The following GSE1 variants were observed in gnomAD, a reference collection of about 807,000 sequenced individuals.
GSE1 encodes the protein Gse1 coiled-coil protein.
In GSE1, 32 loss-of-function variants were observed where a neutral mutation model predicts 112.6. That is an observed-to-expected ratio of 0.28 (90% CI 0.21 to 0.38). The LOEUF is 0.38. Among genes scored for constraint, GSE1 ranks in the 10% least tolerant of loss-of-function variants. The pLI is 1.00. For missense variants in GSE1, 2,348 were observed against 1,699.2 expected (o/e 1.38, Z -6.71); for synonymous variants, 1,115 against 735.6 (o/e 1.52, Z -8.35).
intron 1 of GSE1, among the ~76,000 whole-genome samples, chr16:85,172,089 T>C (rs1277630369): frequency 2.6e-5 from 4 of 152,172 alleles, no homozygotes; most frequent in Non-Finnish European, 5.9e-5. Flanking sequence ...GGCACGGGCC[T>C]GAACTTGGGT....
chr16:85,511,171 A>G (rs531066861), intron 2 of GSE1, among the ~76,000 whole-genome samples: 2 of 152,180 alleles, frequency 1.3e-5, no homozygotes, highest in East Asian at 3.9e-4. Context: ...TCTGAGCTGG[A>G]CTCAGAGAAG....
chr16:85,452,694 G>A (rs2049719726), intron 2 of GSE1, among the ~76,000 whole-genome samples: 1 of 152,254 alleles, frequency 6.6e-6, no homozygotes, highest in African/African-American at 2.4e-5. Flanking sequence ...TGAAATTCAG[G>A]GAAGGATTTG....
intron 1 of GSE1, chr16:85,285,363 G>A (rs1368164634): frequency 6.6e-6 from 1 of 152,164 alleles, no homozygotes; most frequent in Admixed American, 6.5e-5. Flanking sequence ...ACCAGCAGCA[G>A]GGTTACCTCC....
intron 2 of GSE1, among the ~76,000 whole-genome samples, chr16:85,446,800 T>G (rs2049527024): frequency 6.6e-6 from 1 of 152,094 alleles, no homozygotes; most frequent in Non-Finnish European, 1.5e-5. Context: ...GCAGGTTGGC[T>G]CATCTGTCTT....
chr16:85,375,069 A>G (rs1444722143), intron 2 of GSE1, among the ~76,000 whole-genome samples: 1 of 152,162 alleles, frequency 6.6e-6, no homozygotes, highest in African/African-American at 2.4e-5. Flanking sequence ...ATCTCTCTGC[A>G]CTGCTGCCGG....
At chr16:85,647,283 G>A (rs1682893015) in intron 2 of GSE1, among the ~76,000 whole-genome samples, 1 of 152,180 alleles carries the variant, frequency 6.6e-6, no homozygotes, top group African/African-American at 2.4e-5. Context: ...CCGCGGGGCT[G>A]CAGCCACCCA....
At chr16:85,606,104 C>G (rs1260028907) in intron 1 of GSE1, among the ~76,000 whole-genome samples, 1 of 152,204 alleles carries the variant, frequency 6.6e-6, no homozygotes, top group Non-Finnish European at 1.5e-5. Context: ...CCCTTGAAGT[C>G]TGCCGTGGCA....
chr16:85,308,455 C>T (rs557211595), intron 1 of GSE1, among the ~76,000 whole-genome samples: 125 of 152,226 alleles, frequency 8.2e-4, no homozygotes, highest in African/African-American at 1.4e-3. Context: ...AGCCATAAAG[C>T]GCAATACTGA....
chr16:85,551,046 CG>C (rs1320320991), upstream of GSE1, among the ~76,000 whole-genome samples: 1 of 152,058 alleles, frequency 6.6e-6, no homozygotes, highest in Non-Finnish European at 1.5e-5. Context: ...CAGGGAGGTG[CG>C]GGGTGAGTTT....
chr16:85,351,440 G>A (rs972506350), intron 1 of GSE1, among the ~76,000 whole-genome samples: 2 of 152,190 alleles, frequency 1.3e-5, no homozygotes, highest in Non-Finnish European at 2.9e-5. Context: ...GTCCAGAAAT[G>A]ACATTTGTAT....
At chr16:85,604,037 G>A (rs1019180761) in intron 1 of GSE1, among the ~76,000 whole-genome samples, 5 of 152,164 alleles carry the variant, frequency 3.3e-5, no homozygotes, top group Non-Finnish European at 5.9e-5. Flanking sequence ...CAGCTTCGGG[G>A]GAGGCCCCAG....
At chr16:85,425,112 G>C (rs1215876834) in intron 2 of GSE1, among the ~76,000 whole-genome samples, 1 of 152,248 alleles carries the variant, frequency 6.6e-6, no homozygotes, top group Non-Finnish European at 1.5e-5. Flanking sequence ...GGGCGCCCTG[G>C]GGCGGGGGGT....
chr16:85,526,175 G>C (rs1339745820), intron 2 of GSE1, among the ~76,000 whole-genome samples: 1 of 152,228 alleles, frequency 6.6e-6, no homozygotes, highest in African/African-American at 2.4e-5. Flanking sequence ...CCTGTGCTCA[G>C]CAGCAAAAGA....
At chr16:85,533,886 G>C (rs957632752) in intron 2 of GSE1, among the ~76,000 whole-genome samples, 1 of 151,876 alleles carries the variant, frequency 6.6e-6, no homozygotes, top group Non-Finnish European at 1.5e-5. Flanking sequence ...AAATAAACTC[G>C]GCATTATTGA....
chr16:85,542,755 C>A (rs1038447450), intron 2 of GSE1, among the ~76,000 whole-genome samples: 1 of 152,238 alleles, frequency 6.6e-6, no homozygotes, highest in African/African-American at 2.4e-5. Context: ...GGTGGCCCTG[C>A]TGGCCCCACC....
chr16:85,170,828 G>C, exon 1 of GSE1: 9 of 985,578 alleles, frequency 9.1e-6, no homozygotes, highest in Non-Finnish European at 1.1e-5. Flanking sequence ...CAGTGGCAGA[G>C]CTTCGAGCTG....
At chr16:85,211,456 C>T (rs1232552065) in intron 1 of GSE1, among the ~76,000 whole-genome samples, 1 of 152,204 alleles carries the variant, frequency 6.6e-6, no homozygotes, top group African/African-American at 2.4e-5. Context: ...GCGTTCCTGT[C>T]CCACTCTGCC....
chr16:85,605,291 T>G (rs918844548), intron 1 of GSE1, among the ~76,000 whole-genome samples: 2 of 151,868 alleles, frequency 1.3e-5, no homozygotes, highest in Non-Finnish European at 2.9e-5. Context: ...CCTCTCCTAA[T>G]GTCGGAGGAG....
At chr16:85,409,260 C>G (rs866468790) in intron 2 of GSE1, among the ~76,000 whole-genome samples, 1 of 41,412 alleles carries the variant, frequency 2.4e-5, no homozygotes, top group African/African-American at 1.3e-4. Context: ...ATAATCCTCA[C>G]TGTTGCACTC....
Sources: gnomAD v4.1 joint callset for allele counts (sites outside exome capture counted in the v4.1 genomes callset) on GRCh38, gnomAD v4.1.1 for gene constraint, MANE v1.5 for transcripts, NCBI Gene and HGNC (gene_info 2026-07-23, HGNC 2026-07-21) for gene names.